Variants in ATRX observed in about 807,000 individuals in gnomAD.
ATRX encodes ATRX chromatin remodeler.
ATRX carries 12 observed loss-of-function variants against 172.6 expected under a neutral mutation model. The observed-to-expected ratio is 0.07, with a 90% confidence interval of 0.04 to 0.11. ATRX has a LOEUF of 0.11. ATRX is among the 10% of genes least tolerant of loss of function. The pLI, the probability that ATRX is intolerant of heterozygous loss-of-function variation, is 1.00. For synonymous variants in ATRX, 674 were observed against 594.7 expected (o/e 1.13, Z -1.94); for missense variants, 1,368 against 1,767.4 (o/e 0.77, Z 4.05).
At position 77,505,160 on chromosome X, in the gene ATRX, A is replaced by G. The variant is rs977945385; in HGVS notation, c.*3191T>C. On this transcript the variant is annotated 3_prime_UTR_variant, in exon 35 of 35. Coordinates refer to ENST00000373344, the MANE Select transcript of ATRX (RefSeq NM_000489.6). Reference sequence around the variant, plus strand: ...AAGGATTGACCTGTTTTACTGGTAGAATAAGTCTCTATAGCCTCACAACAT... The same window carrying G: ...AAGGATTGACCTGTTTTACTGGTAGGATAAGTCTCTATAGCCTCACAACAT... 1 of 171,763 alleles carries G rather than the reference A, an allele frequency of 5.8e-6. No individual in the cohort carries two copies. Among genetic ancestry groups the G allele is most frequent in the African/African-American group, 3.0e-5 (1 of 33,706 alleles). 14.2% of individuals were successfully genotyped at this position (171,763 alleles called of 1,213,427 possible). A position where few individuals can be genotyped will look rare whatever the true frequency, so the allele number is the denominator to read the frequency against.
intron 7 of ATRX, among the ~76,000 whole-genome samples, chrX:77,687,407 T>C (rs1187992005): frequency 1.8e-5 from 2 of 111,521 alleles, no homozygotes; most frequent in African/African-American, 6.5e-5. Flanking sequence ...TTCATTAATA[T>C]GTAAATAAAT....
intron 28 of ATRX, among the ~76,000 whole-genome samples, chrX:77,566,458 T>G (rs1480608492): frequency 8.9e-6 from 1 of 112,142 alleles, no homozygotes; most frequent in Non-Finnish European, 1.9e-5. Context: ...GACTTGCTGT[T>G]AAAGAATGGC....
At chrX:77,649,144 A>G (rs2069076861) in intron 15 of ATRX, among the ~76,000 whole-genome samples, 1 of 110,242 alleles carries the variant, frequency 9.1e-6, no homozygotes, top group Admixed American at 9.7e-5. Context: ...AGCCTGAGAG[A>G]CAGAGCAAGA....
chrX:77,670,890 G>A (rs2070532130), intron 10 of ATRX, among the ~76,000 whole-genome samples: 1 of 107,511 alleles, frequency 9.3e-6, no homozygotes, highest in South Asian at 4.1e-4. Flanking sequence ...GCTCATGCCT[G>A]TAATCCCAGC....
At chrX:77,777,136 C>T (rs2076378405) in intron 1 of ATRX, among the ~76,000 whole-genome samples, 1 of 95,839 alleles carries the variant, frequency 1.0e-5, no homozygotes, top group African/African-American at 4.1e-5. Flanking sequence ...GGCGGATCAC[C>T]TGAGGTCAGG....
At chrX:77,588,679 A>G (rs1557078579) in intron 27 of ATRX, among the ~76,000 whole-genome samples, 1 of 111,693 alleles carries the variant, frequency 9.0e-6, no homozygotes. Flanking sequence ...TGAAAGCAAA[A>G]GATAACCCAC....
chrX:77,594,867 A>T (rs965200773), intron 25 of ATRX: 10 of 111,750 alleles, frequency 8.9e-5, no homozygotes, highest in Admixed American at 1.9e-4. Context: ...TTTTCACTCA[A>T]AGCGAGATTT....
At position 77,771,874 on chromosome X, in the gene ATRX, G is replaced by T. The variant is rs1325436929; in HGVS notation, c.20+14108C>A. 2.7e-5 allele frequency among the ~76,000 whole-genome samples: 3 copies of T among 111,540 alleles called. No individual in the cohort carries two copies. The Admixed American group carries it at 2.9e-4, about 11-fold the overall frequency. On this transcript the variant is annotated intron_variant, in intron 1 of 34. Coordinates refer to ENST00000373344, the MANE Select transcript of ATRX (RefSeq NM_000489.6). ...TAGGGGTGTTACTGGTATCTAGTGG[G>T]TAGAGGTCAGGGATAAAATGCATTC...
intron 25 of ATRX, chrX:77,595,383 G>C (rs1231429680): frequency 9.0e-6 from 1 of 111,704 alleles, no homozygotes; most frequent in Non-Finnish European, 1.9e-5. Flanking sequence ...AGAATTACTT[G>C]TGAAGTTAAT....
intron 19 of ATRX, among the ~76,000 whole-genome samples, chrX:77,626,028 CATATATATATATATATATATATATAT>C (rs782747198): frequency 0.032 from 1,162 of 36,261 alleles, 46 homozygotes; most frequent in East Asian, 0.058. Flanking sequence ...GAAATTGTGG[CATATATATATATATATATATATATAT>C]ATATATATAT....
Position 77,786,052 on chromosome X carries a change from G to A in ATRX, c.-51C>T. The A allele has an allele frequency of 8.7e-7, 1 of 1,149,353 alleles. No homozygotes were observed. Among genetic ancestry groups the A allele is most frequent in the Non-Finnish European group, 1.2e-6 (1 of 855,731 alleles). The allele number at this position is 1,149,353 out of a possible 1,213,427, so 94.7% of individuals were successfully genotyped here. The stretch of plus-strand genomic sequence containing the variant: ...TTCTGTGATTGCTGGGCGCCGATCT[G>A]CGCTCCCCCGCGCCCGGTTACGATA... On this transcript the variant is annotated 5_prime_UTR_variant, in exon 1 of 35. Transcript: ENST00000373344.
intron 25 of ATRX, 66 bp from the exon 26 acceptor site, chrX:77,593,915 C>G (rs2148116961): frequency 9.6e-7 from 1 of 1,042,389 alleles, no homozygotes; most frequent in Non-Finnish European, 1.3e-6. Flanking sequence ...GCAAGAGAGA[C>G]AGAAAAAGAC....
chrX:77,603,456 C>T (rs2066760702), intron 22 of ATRX, among the ~76,000 whole-genome samples: 1 of 109,449 alleles, frequency 9.1e-6, no homozygotes, highest in African/African-American at 3.3e-5. Flanking sequence ...ATCTCCGCCT[C>T]CCGGGTTCAA....
intron 22 of ATRX, among the ~76,000 whole-genome samples, chrX:77,603,509 G>A (rs2066763943): frequency 9.4e-6 from 1 of 106,450 alleles, no homozygotes; most frequent in Non-Finnish European, 1.9e-5. Flanking sequence ...GAGACTACAG[G>A]TGCCTGCCAC....
intron 1 of ATRX, among the ~76,000 whole-genome samples, chrX:77,730,651 G>A (rs781851937): frequency 9.0e-5 from 10 of 111,728 alleles, no homozygotes; most frequent in South Asian, 3.7e-4. Context: ...CTCTGATAAC[G>A]GAATAAAACT....
At chrX:77,689,092 T>TTG (rs1557145689) in intron 6 of ATRX, among the ~76,000 whole-genome samples, 165 bp from the exon 7 acceptor site, 9 of 112,681 alleles carry the variant, frequency 8.0e-5, no homozygotes, top group Admixed American at 4.7e-4. Flanking sequence ...ATCGACTTAC[T>TTG]AAGCACATGA....
chrX:77,609,461 ACATATT>A (rs1421301084), intron 22 of ATRX, among the ~76,000 whole-genome samples: 1 of 111,972 alleles, frequency 8.9e-6, no homozygotes, highest in Admixed American at 9.5e-5. Context: ...GACAAATTTT[ACATATT>A]CTCACTTATT....
Position 77,654,100 on chromosome X carries a change from T to C in ATRX, c.4315A>G (p.Lys1439Glu). Reference protein sequence around the residue: ...KVQEDSSSENKSNSEEEEEEK... With the variant: ...KVQEDSSSENESNSEEEEEEK... ...CATGTGGTAAATGTCATTATTACCT[T>C]GTTTTCACTGGATGAATCTTCTTGA... Residue 1439 changes from lysine to glutamate, a missense_variant and splice_region_variant, in exon 14 of 35, where the codon AAG (lysine) becomes GAG (glutamate). Physicochemically the swap from Lys to Glu is moderately conservative, Grantham distance 56 (BLOSUM62 1). Coordinates refer to ENST00000373344, the MANE Select transcript of ATRX (RefSeq NM_000489.6). 8.3e-7 allele frequency: 1 copy of C among 1,203,216 alleles called. No individual in the cohort carries two copies. The highest frequency in any genetic ancestry group is 1.7e-5 in the African/African-American group (1 of 57,725).
intron 30 of ATRX, among the ~76,000 whole-genome samples, chrX:77,539,013 G>A (rs1279893086): frequency 9.2e-6 from 1 of 108,435 alleles, no homozygotes; most frequent in African/African-American, 3.4e-5. Context: ...TACTGCCTCA[G>A]CCTCCCGAGT....
Sources: allele counts gnomAD v4.1 joint callset (sites outside exome capture counted in the v4.1 genomes callset), GRCh38; gene constraint gnomAD v4.1.1; transcripts MANE v1.5; gene names NCBI Gene and HGNC (gene_info 2026-07-23, HGNC 2026-07-21).